Variants in SPTBN1 observed in about 807,000 individuals in gnomAD.
SPTBN1 encodes spectrin beta chain, non-erythrocytic 1.
SPTBN1 carries 32 observed loss-of-function variants against 266.4 expected under a neutral mutation model. The ratio of observed to expected loss-of-function variants is 0.12; its 90% CI spans 0.09 to 0.16. The LOEUF (loss-of-function observed/expected upper bound fraction) is 0.16, where lower values mean the gene tolerates loss of function less well. Among genes scored for constraint, SPTBN1 ranks in the 10% least tolerant of loss-of-function variants. The pLI, the probability that SPTBN1 is intolerant of heterozygous loss-of-function variation, is 1.00. For synonymous variants in SPTBN1, 1,336 were observed against 1,162.2 expected, an observed-to-expected ratio of 1.15 and a Z score of -3.04; for missense variants, 2,296 against 3,067.1, an observed-to-expected ratio of 0.75 and a Z score of 5.94.
intron 2 of SPTBN1, among the ~76,000 whole-genome samples, chr2:54,530,353 C>CTTTTTTTTTGTTT (rs1671146226): frequency 1.4e-5 from 1 of 73,882 alleles, no homozygotes; most frequent in Non-Finnish European, 2.4e-5. Context: ...TTGTAAAAAA[C>CTTTTTTTTTGTTT]TTTTTTTTTT....
intron 2 of SPTBN1, among the ~76,000 whole-genome samples, chr2:54,586,299 G>T (rs925853413): frequency 1.3e-5 from 2 of 152,126 alleles, no homozygotes; most frequent in Non-Finnish European, 2.9e-5. Flanking sequence ...TCTACAATGG[G>T]TTATGGTCAC....
rs1311205296 is a variant in SPTBN1 at position 54,466,541 on chromosome 2, G to A, written c.-48+10023G>A. On this transcript the variant is annotated intron_variant, in intron 1 of 35. Transcript: ENST00000356805. ...CGCGCCACTGCACTCCAGCCTGGGC[G>A]ACAGAGCGAGACTCCGTCTCAAAAA... 1.5e-4 allele frequency among the ~76,000 whole-genome samples: 3 copies of A among 20,066 alleles called. 1 individual carries two copies. Among genetic ancestry groups the A allele is most frequent in the Non-Finnish European group, 2.1e-4 (3 of 14,536 alleles). 13.2% of individuals were successfully genotyped at this position (20,066 alleles called of 152,430 possible).
At position 54,649,846 on chromosome 2, in the gene SPTBN1, C is replaced by A; in HGVS notation, c.5434C>A (p.His1812Asn). ...AASYELHKFY[H>N]DAKEIFGRIQ... ...TTCCTATGAACTGCACAAGTTTTAC[C>A]ACGATGCCAAGGAGATCTTTGGGCG... Residue 1812 changes from histidine to asparagine, a missense_variant, in exon 26 of 36, where the codon CAC becomes AAC. This residue lies in a region of SPTBN1 where 644 missense variants were observed against 745.3 expected (regional missense o/e 0.86). Transcript: ENST00000356805. The surrounding 1 kb of genome is among the most constrained non-coding windows in gnomAD (Gnocchi z 6.7). 2 of 1,614,124 alleles carry A rather than the reference C, an allele frequency of 1.2e-6. No individual in the cohort carries two copies. The highest frequency in any genetic ancestry group is 1.7e-6 in the Non-Finnish European group (2 of 1,180,024).
intron 4 of SPTBN1, among the ~76,000 whole-genome samples, chr2:54,615,069 C>G (rs1029458662): frequency 1.3e-5 from 2 of 152,116 alleles, no homozygotes; most frequent in Admixed American, 1.3e-4. Context: ...GCTAATGATC[C>G]TAATATTAGA....
rs562656789 is a variant in SPTBN1 at position 54,653,696 on chromosome 2, G to A, written c.5665G>A (p.Val1889Ile). The change falls in exon 27 of 36, where the codon GTC becomes ATC. Residue 1889 changes from valine to isoleucine, a missense_variant. Transcript: ENST00000356805. This position sits in a 1 kb window ranked among gnomAD's most constrained non-coding sequence, Gnocchi z 5.1. Reference sequence around the variant, plus strand: ...CGATATCCAGAAGCGCGAGAACGAGGTCCTGGAAGCCTGGAAGTCCCTCCT... The same window carrying A: ...CGATATCCAGAAGCGCGAGAACGAGATCCTGGAAGCCTGGAAGTCCCTCCT... ...ADDIQKRENEVLEAWKSLLDA... is the reference protein window; with the variant it reads ...ADDIQKRENEILEAWKSLLDA... 2.8e-5 allele frequency: 45 copies of A among 1,614,212 alleles called. No homozygotes were observed. In the South Asian group the frequency reaches 4.6e-4, roughly 17 times the overall value.
intron 2 of SPTBN1, among the ~76,000 whole-genome samples, chr2:54,566,864 T>C (rs976053484): frequency 6.6e-6 from 1 of 152,210 alleles, no homozygotes; most frequent in African/African-American, 2.4e-5. Context: ...TTAAATCATT[T>C]TGTTGGTGCA....
chr2:54,602,822 G>A (rs1311667746), intron 3 of SPTBN1, among the ~76,000 whole-genome samples: 4 of 152,182 alleles, frequency 2.6e-5, no homozygotes, highest in Non-Finnish European at 5.9e-5. Flanking sequence ...GATTTGTTAA[G>A]CCTCAAATCC....
chr2:54,621,330 T>C lies in SPTBN1; in HGVS notation c.764-70T>C, dbSNP rs1224101942. 15 of 1,167,922 alleles carry C rather than the reference T, an allele frequency of 1.3e-5. No individual in the cohort carries two copies. In the East Asian group the frequency reaches 3.3e-4, roughly 26 times the overall value. The allele number at this position is 1,167,922 out of a possible 1,614,324, so 72.3% of individuals were successfully genotyped here. On this transcript the variant is annotated intron_variant, in intron 7 of 35. Coordinates refer to ENST00000356805, the MANE Select transcript of SPTBN1 (RefSeq NM_003128.3). ...TCCATGTTGACCAGCAGTCGTTGCA[T>C]TTGTTCCTGCTACCTGGGTGGGGCA...
At position 54,622,506 on chromosome 2, in the gene SPTBN1, T is replaced by C. The variant is rs920980245; in HGVS notation, c.1064+19T>C. 3 of 1,609,680 alleles carry C rather than the reference T, an allele frequency of 1.9e-6. No homozygotes were observed. Among genetic ancestry groups the C allele is most frequent in the African/African-American group, 2.7e-5 (2 of 74,814 alleles). The stretch of plus-strand genomic sequence containing the variant: ...CACCCAAGTAAGATGCATATTGTAG[T>C]GTGATCATTAATATGGAAAGACACA... On this transcript the variant is annotated intron_variant, in intron 9 of 35. Transcript: ENST00000356805.
At chr2:54,460,074 C>CT (rs1170120781) in intron 1 of SPTBN1, among the ~76,000 whole-genome samples, 2 of 152,178 alleles carry the variant, frequency 1.3e-5, no homozygotes, top group African/African-American at 4.8e-5. Flanking sequence ...GTGAGGTTCA[C>CT]GGACCTTCAA....
chr2:54,586,921 CT>C (rs1229640866), intron 2 of SPTBN1, among the ~76,000 whole-genome samples: 1 of 152,090 alleles, frequency 6.6e-6, no homozygotes. Flanking sequence ...AATAATGTGA[CT>C]GGTGTGTTTG....
intron 2 of SPTBN1, among the ~76,000 whole-genome samples, chr2:54,595,032 C>G (rs1180376384): frequency 6.6e-6 from 1 of 151,994 alleles, no homozygotes; most frequent in Non-Finnish European, 1.5e-5. Flanking sequence ...CAGAGTTTCA[C>G]CATGTTGGTC....
chr2:54,473,215 T>C (rs551579912), intron 1 of SPTBN1, among the ~76,000 whole-genome samples: 2 of 152,366 alleles, frequency 1.3e-5, no homozygotes, highest in South Asian at 4.1e-4. Flanking sequence ...AGATTTATAA[T>C]TTGTAATTAC....
At chr2:54,481,435 TG>T (rs1446096802) in intron 1 of SPTBN1, among the ~76,000 whole-genome samples, 890 of 87,410 alleles carry the variant, frequency 0.01, 14 homozygotes, top group African/African-American at 0.049. Flanking sequence ...TGTGTGTGTG[TG>T]TGTGTTTTGT....
intron 2 of SPTBN1, among the ~76,000 whole-genome samples, chr2:54,583,051 A>G (rs1292459483): frequency 2.6e-5 from 4 of 152,164 alleles, no homozygotes; most frequent in Non-Finnish European, 5.9e-5. Context: ...TTCCTCCGTC[A>G]TCTAGGACCA....
At chr2:54,480,310 T>C (rs980378319) in intron 1 of SPTBN1, among the ~76,000 whole-genome samples, 1 of 152,312 alleles carries the variant, frequency 6.6e-6, no homozygotes, top group Admixed American at 6.5e-5. Context: ...CTTTTAAAAG[T>C]TGGATTTTTC....
At position 54,549,117 on chromosome 2, in the gene SPTBN1, C is replaced by T. The variant is rs573673003; in HGVS notation, c.148+22551C>T. ...GAAGCCTGGCCAATGTGGTGAAACC[C>T]CATCTGTACTAAAAGTACCAAAATT... On this transcript the variant is annotated intron_variant, in intron 2 of 35. Transcript: ENST00000356805. Among the ~76,000 whole-genome samples the T allele has an allele frequency of 2.6e-5, 4 of 152,054 alleles. No individual in the cohort carries two copies. The East Asian group carries it at 7.7e-4, about 29-fold the overall frequency.
intron 15 of SPTBN1, 34 bp from the exon 16 acceptor site, chr2:54,630,821 T>C (rs1168753778): frequency 3.3e-6 from 5 of 1,531,078 alleles, no homozygotes; most frequent in Non-Finnish European, 4.4e-6. Flanking sequence ...AGTCTTCCCT[T>C]TTTCACACTC....
At chr2:54,574,160 A>G (rs893341509) in intron 2 of SPTBN1, among the ~76,000 whole-genome samples, 1 of 152,092 alleles carries the variant, frequency 6.6e-6, no homozygotes, top group African/African-American at 2.4e-5. Flanking sequence ...TATGTACCAG[A>G]CTGTGCTATT....
Sources: allele counts gnomAD v4.1 joint callset (sites outside exome capture counted in the v4.1 genomes callset), GRCh38; gene constraint gnomAD v4.1.1; regional missense constraint gnomAD v4.1.1; non-coding constraint Gnocchi (gnomAD v3.1); transcripts MANE v1.5; gene names NCBI Gene and HGNC (gene_info 2026-07-23, HGNC 2026-07-21).